Variants in MAML2 observed in about 807,000 individuals in gnomAD.
The protein encoded by MAML2 is mastermind like transcriptional coactivator 2, also known as mastermind-like protein 2.
MAML2 carries 22 observed loss-of-function variants against 96.1 expected under a neutral mutation model. That is an observed-to-expected ratio of 0.23 (90% confidence interval 0.16 to 0.33). The LOEUF (loss-of-function observed/expected upper bound fraction) is 0.33, where lower values mean the gene tolerates loss of function less well. Among genes scored for constraint, MAML2 ranks in the 10% least tolerant of loss-of-function variants. The pLI, the probability that MAML2 is intolerant of heterozygous loss-of-function variation, is 1.00. For synonymous variants in MAML2, 561 were observed against 521.3 expected, an observed-to-expected ratio of 1.08 and a Z score of -1.04; for missense variants, 1,367 against 1,392.4, an observed-to-expected ratio of 0.98 and a Z score of 0.29.
chr11:96,110,004 G>A (rs972884975), intron 1 of MAML2, among the ~76,000 whole-genome samples: 4 of 152,174 alleles, frequency 2.6e-5, no homozygotes, highest in Non-Finnish European at 5.9e-5. Flanking sequence ...GAATAAAGTG[G>A]AGGAGATGAA....
At chr11:96,301,165 C>G (rs571247642) in intron 1 of MAML2, among the ~76,000 whole-genome samples, 1 of 152,214 alleles carries the variant, frequency 6.6e-6, no homozygotes, top group South Asian at 2.1e-4. Flanking sequence ...ATCTGTTGGG[C>G]AAAAATTATA....
At chr11:96,016,898 A>C (rs1858362122) in intron 2 of MAML2, among the ~76,000 whole-genome samples, 1 of 152,234 alleles carries the variant, frequency 6.6e-6, no homozygotes, top group South Asian at 2.1e-4. Context: ...TGGCTCAAAA[A>C]AGGGAGATAA....
At chr11:96,311,295 A>G (rs1482413693) in intron 1 of MAML2, among the ~76,000 whole-genome samples, 2 of 152,224 alleles carry the variant, frequency 1.3e-5, no homozygotes, top group Non-Finnish European at 2.9e-5. Context: ...GTAGGAAGAA[A>G]TAGAAGAAGC....
In MAML2 at chr11:95,977,835, T is replaced by C. The variant is rs1291068552; in HGVS notation, c.*1113A>G. 4.4e-6 allele frequency: 1 copy of C among 226,172 alleles called. No homozygotes were observed. Among genetic ancestry groups the C allele is most frequent in the African/African-American group, 2.2e-5 (1 of 45,038 alleles). The allele number at this position is 226,172 out of a possible 1,614,324, so 14.0% of individuals were successfully genotyped here. On this transcript the variant is annotated 3_prime_UTR_variant, in exon 5 of 5. Coordinates refer to ENST00000524717, the MANE Select transcript of MAML2 (RefSeq NM_032427.4). ...ACCCAAATCCAAATAATACGTCCAA[T>C]GAAGGACAAATTGTTTTCCCTCTTG...
chr11:96,235,173 C>G (rs952077931), intron 1 of MAML2, among the ~76,000 whole-genome samples: 2 of 152,116 alleles, frequency 1.3e-5, no homozygotes, highest in Admixed American at 6.5e-5. Flanking sequence ...AAAGAAGCTC[C>G]CAACGAGACT....
intron 2 of MAML2, among the ~76,000 whole-genome samples, chr11:96,030,187 G>A (rs1440684794): frequency 1.3e-5 from 2 of 151,714 alleles, no homozygotes; most frequent in South Asian, 2.1e-4. Context: ...AGTGAGCCGA[G>A]ATTGCGCCAC....
intron 3 of MAML2, among the ~76,000 whole-genome samples, chr11:95,990,840 T>C (rs1286045390): frequency 6.6e-5 from 10 of 152,118 alleles, no homozygotes. Flanking sequence ...AGGGAGGCAA[T>C]GAAACCAGGG....
intron 4 of MAML2, among the ~76,000 whole-genome samples, chr11:95,980,473 C>A (rs683859): frequency 0.057 from 8,593 of 152,080 alleles, 357 homozygotes; most frequent in African/African-American, 0.11. Context: ...CAAGAAGCTA[C>A]CCCAGTGACT....
intron 1 of MAML2, among the ~76,000 whole-genome samples, chr11:96,149,195 C>A (rs569181895): frequency 1.3e-5 from 2 of 151,822 alleles, no homozygotes; most frequent in South Asian, 2.1e-4. Context: ...GGGCAGATCA[C>A]AAGGTCAGGA....
At chr11:96,164,428 C>A (rs1196582596) in intron 1 of MAML2, among the ~76,000 whole-genome samples, 1 of 152,160 alleles carries the variant, frequency 6.6e-6, no homozygotes, top group Non-Finnish European at 1.5e-5. Flanking sequence ...CCTTTTTTCC[C>A]TATCACACAG....
intron 2 of MAML2, among the ~76,000 whole-genome samples, chr11:96,007,805 T>G (rs1858207561): frequency 6.9e-6 from 1 of 144,286 alleles, no homozygotes. Context: ...ATATTCTCAC[T>G]CATAGGTGGG....
At chr11:96,084,240 C>T (rs1346056044) in intron 2 of MAML2, among the ~76,000 whole-genome samples, 3 of 152,074 alleles carry the variant, frequency 2.0e-5, no homozygotes, top group Non-Finnish European at 2.9e-5. Context: ...TCATACAGGG[C>T]TTTATAAGCT....
intron 2 of MAML2, among the ~76,000 whole-genome samples, chr11:96,004,531 T>C (rs2135721525): frequency 6.6e-6 from 1 of 152,324 alleles, no homozygotes; most frequent in Middle Eastern, 3.4e-3. Context: ...CTTGTTATAC[T>C]CTTCAAGATA....
intron 2 of MAML2, among the ~76,000 whole-genome samples, chr11:96,043,805 G>A (rs1289668826): frequency 6.6e-6 from 1 of 152,208 alleles, no homozygotes; most frequent in Non-Finnish European, 1.5e-5. Context: ...GGAACTTTCA[G>A]TTGAAAGGAT....
rs144188743 is a variant in MAML2 at position 96,150,125 on chromosome 11, C to A, written c.514-56608G>T. ...AATAATTGACTTGAAATTTCGTTAA[C>A]AATTTTTGACAAATACAAAAGTTAT... On this transcript the variant is annotated intron_variant, in intron 1 of 4. Transcript: ENST00000524717. Among the ~76,000 whole-genome samples, 481 of 152,310 alleles carry A rather than the reference C, an allele frequency of 3.2e-3. 2 individuals carry two copies. The highest frequency in any genetic ancestry group is 0.01 in the Middle Eastern group (3 of 294).
chr11:96,083,756 G>A (rs1181730473), intron 2 of MAML2, among the ~76,000 whole-genome samples: 2 of 152,126 alleles, frequency 1.3e-5, no homozygotes, highest in African/African-American at 4.8e-5. Context: ...GATGTGTTAG[G>A]GGTTGGAATA....
chr11:96,092,529 G>C lies in MAML2; in HGVS notation c.1502C>G (p.Ala501Gly), dbSNP rs760300683. The C allele has an allele frequency of 6.3e-7, 1 of 1,596,614 alleles. No homozygotes were observed. The highest frequency in any genetic ancestry group is 2.2e-5 in the East Asian group (1 of 44,636). ...TACTTTCGACTGGCCGCTGCCGCCA[G>C]CTACCCCAGGCATGGGGGAGCTCTG... Reference protein sequence around the residue: ...SPQSSPMPGVAGGSGQSKVMA... With the variant: ...SPQSSPMPGVGGGSGQSKVMA... The change falls in exon 2 of 5, where the codon GCT becomes GGT. Residue 501 changes from alanine (A) to glycine (G), a missense_variant. Coordinates refer to ENST00000524717, the MANE Select transcript of MAML2 (RefSeq NM_032427.4). This position sits in a 1 kb window ranked among gnomAD's most constrained non-coding sequence, Gnocchi z 4.1.
chr11:96,085,749 A>G (rs557253841), intron 2 of MAML2, among the ~76,000 whole-genome samples: 1 of 152,344 alleles, frequency 6.6e-6, no homozygotes, highest in South Asian at 2.1e-4. Context: ...AATGAGAATA[A>G]TAGAAGCCAT....
At chr11:96,221,639 T>G (rs1862139409) in intron 1 of MAML2, among the ~76,000 whole-genome samples, 1 of 150,880 alleles carries the variant, frequency 6.6e-6, no homozygotes, top group Non-Finnish European at 1.5e-5. Flanking sequence ...AGTATTGAGC[T>G]CTTTGCTTCT....
Sources: gnomAD v4.1 joint callset for allele counts (sites outside exome capture counted in the v4.1 genomes callset) on GRCh38, gnomAD v4.1.1 for gene constraint, Gnocchi (gnomAD v3.1) non-coding constraint, MANE v1.5 for transcripts, NCBI Gene and HGNC (gene_info 2026-07-23, HGNC 2026-07-21) for gene names.